Variants in TRIM8 observed in about 807,000 individuals in gnomAD.
TRIM8 encodes E3 ubiquitin-protein ligase TRIM8.
A neutral mutation model predicts 55.7 loss-of-function variants in TRIM8; 9 were observed. The ratio of observed to expected loss-of-function variants is 0.16; its 90% confidence interval spans 0.10 to 0.28. TRIM8 has a LOEUF of 0.28. Ranked by LOEUF, TRIM8 falls within the 10% of genes least tolerant of loss-of-function variation. TRIM8 has a pLI of 1.00. For synonymous variants in TRIM8, 335 were observed against 333.3 expected (o/e 1.01, Z -0.06); for missense variants, 556 against 736.4 (o/e 0.76, Z 2.83).
chr10:102,646,260 A>G (rs1432877581), intron 1 of TRIM8, among the ~76,000 whole-genome samples: 1 of 152,130 alleles, frequency 6.6e-6, no homozygotes, highest in East Asian at 1.9e-4. Context: ...TTGGCCTGAC[A>G]CCGAGGAGTC....
At chr10:102,647,791 AGG>A (rs1202907672) in intron 1 of TRIM8, among the ~76,000 whole-genome samples, 3 of 152,280 alleles carry the variant, frequency 2.0e-5, no homozygotes, top group Non-Finnish European at 4.4e-5. Flanking sequence ...CTGCCCTCCC[AGG>A]GGGATTGCTG....
At chr10:102,651,748 G>C (rs1213440300) in intron 1 of TRIM8, among the ~76,000 whole-genome samples, 1 of 152,216 alleles carries the variant, frequency 6.6e-6, no homozygotes. Flanking sequence ...GAATTTGAGG[G>C]CCAATTGTTC....
At position 102,656,204 on chromosome 10, in the gene TRIM8, C is replaced by CG; in HGVS notation, c.933-62dup. On this transcript the variant is annotated intron_variant, in intron 4 of 5. Transcript: ENST00000643721. The surrounding 1 kb of genome is among the most constrained non-coding windows in gnomAD (Gnocchi z 4.6). Reference sequence around the variant, plus strand: ...GAGGGCAGGGGGGCCAGGCCCATGGCGGGGAGGTAGGGCGGGCTCACCGGT... The same window carrying CG: ...GAGGGCAGGGGGGCCAGGCCCATGGCGGGGGAGGTAGGGCGGGCTCACCGGT... The CG allele has an allele frequency of 1.2e-6, 2 of 1,614,028 alleles. No homozygotes were observed. Among genetic ancestry groups the CG allele is most frequent in the Non-Finnish European group, 1.7e-6 (2 of 1,179,970 alleles).
At position 102,657,168 on chromosome 10, in the gene TRIM8, C is replaced by T. The variant is rs751884305; in HGVS notation, c.1470C>T (p.Ser490=). 29 of 1,613,744 alleles carry T rather than the reference C, an allele frequency of 1.8e-5. No homozygotes were observed. Among genetic ancestry groups the T allele is most frequent in the Non-Finnish European group, 2.3e-5 (27 of 1,179,962 alleles). The change falls in exon 6 of 6, where the codon TCC becomes TCT. Residue 490 remains serine, a synonymous_variant. Coordinates refer to ENST00000643721, the MANE Select transcript of TRIM8 (RefSeq NM_030912.3). ...GCGGCCACCAGCCCTACCCCCGCTC[C>T]GGCCACTTTCCCTGGACAGTGCCCT... ...NHGGHQPYPR[S]GHFPWTVPSQ...
Position 102,655,877 on chromosome 10 carries a change from T to C in TRIM8, c.901-229T>C, listed in dbSNP as rs376355685. On this transcript the variant is annotated intron_variant, in intron 3 of 5. Transcript: ENST00000643721. ...TTCTCCTCGGGTATGGATGAAGTTA[T>C]GGATGCACAGAAAGCACTTACAATG... Among the ~76,000 whole-genome samples, 10 of 152,168 alleles carry C rather than the reference T, an allele frequency of 6.6e-5. No homozygotes were observed. In the East Asian group the frequency reaches 1.7e-3, roughly 26 times the overall value.
At position 102,645,104 on chromosome 10, in the gene TRIM8, G is replaced by T. The variant is rs778589677; in HGVS notation, c.487G>T (p.Val163Leu). The T allele has an allele frequency of 2.5e-6, 4 of 1,595,068 alleles. No individual in the cohort carries two copies. Among genetic ancestry groups the T allele is most frequent in the African/African-American group, 1.3e-5 (1 of 74,872 alleles). ...CCACTGCGAGGCCGAGCAGGTGGCC[G>T]TGTGCCAGTACTGCTGCTACTACAG... ...LYHCEAEQVA[V>L]CQYCCYYSGA... The change falls in exon 1 of 6, where the codon GTG becomes TTG. Residue 163 changes from valine (V) to leucine (L), a missense_variant. Physicochemically the swap from Val to Leu is conservative, Grantham distance 32. Transcript: ENST00000643721.
chr10:102,645,184 C>T lies in TRIM8; in HGVS notation c.567C>T (p.Ile189=), dbSNP rs765586368. Residue 189 remains isoleucine, a synonymous_variant, in exon 1 of 6, where the codon ATC becomes ATT. Transcript: ENST00000643721. ...VCDVEIRRNE[I]RKMLMKQQDR... ...ACGTGGAGATCCGAAGGAATGAAAT[C>T]CGGGCAAGTACCCTACGCGCGCGCG... The T allele has an allele frequency of 3.5e-5, 54 of 1,545,520 alleles. 2 individuals carry two copies. The South Asian group carries it at 6.4e-4, about 18-fold the overall frequency.
intron 1 of TRIM8, among the ~76,000 whole-genome samples, chr10:102,652,549 C>T (rs1230216092): frequency 1.3e-5 from 2 of 152,156 alleles, no homozygotes; most frequent in African/African-American, 4.8e-5. Flanking sequence ...CATCTCAGGC[C>T]GCCCAGGCCT....
rs903164652 is a variant in TRIM8, at chr10:102,655,203, G to A, written c.790G>A (p.Glu264Lys). The A allele has an allele frequency of 1.9e-6, 3 of 1,608,506 alleles. No homozygotes were observed. The highest frequency in any genetic ancestry group is 2.5e-6 in the Non-Finnish European group (3 of 1,178,436). ...LDKAQAKFCS[E>K]NAAQALHLGE... ...CAAGGCCCAGGCCAAGTTCTGCAGC[G>A]AGAACGCAGCGCAGGCGCTGCACCT... The change falls in exon 3 of 6, where the codon GAG (glutamate) becomes AAG (lysine). Residue 264 changes from glutamate to lysine, a missense_variant. Glu to Lys is a moderately conservative substitution (Grantham distance 56). This residue lies in a region of TRIM8 where 391 missense variants were observed against 441.0 expected (regional missense o/e 0.89). Coordinates refer to ENST00000643721, the MANE Select transcript of TRIM8 (RefSeq NM_030912.3).
At chr10:102,655,536 T>C (rs2064017175) in intron 3 of TRIM8, among the ~76,000 whole-genome samples, 1 of 152,218 alleles carries the variant, frequency 6.6e-6, no homozygotes, top group Non-Finnish European at 1.5e-5. Context: ...ATGATACAGG[T>C]CTACTATTCT....
intron 1 of TRIM8, among the ~76,000 whole-genome samples, chr10:102,648,127 T>C (rs1014494143): frequency 3.3e-5 from 5 of 152,162 alleles, no homozygotes; most frequent in African/African-American, 1.2e-4. Flanking sequence ...CCCATGAGGC[T>C]GTGGGGAAGC....
chr10:102,656,946 G>A lies in TRIM8; in HGVS notation c.1248G>A (p.Leu416=), dbSNP rs1464361821. The A allele has an allele frequency of 1.9e-6, 3 of 1,610,888 alleles. No homozygotes were observed. Among genetic ancestry groups the A allele is most frequent in the East Asian group, 2.2e-5 (1 of 44,862 alleles). The change falls in exon 6 of 6, where the codon CTG becomes CTA. Residue 416 remains leucine (L), a synonymous_variant. Coordinates refer to ENST00000643721, the MANE Select transcript of TRIM8 (RefSeq NM_030912.3). The surrounding 1 kb of genome is among the most constrained non-coding windows in gnomAD (Gnocchi z 4.6). ...ASGEGQSGQP[L]GPCSSTQHLV... ...GTGAGGGCCAGTCTGGGCAGCCCCT[G>A]GGGCCCTGCAGCTCCACGCAGCACT... is the stretch of plus-strand genomic sequence containing the variant.
chr10:102,645,698 T>TG (rs71474572), intron 1 of TRIM8: 1 of 143,006 alleles, frequency 7.0e-6, no homozygotes, highest in African/African-American at 2.6e-5. Flanking sequence ...GGGGGGGGAG[T>TG]GGGGGGAGTT....
rs1365098197 is a variant in TRIM8 at position 102,657,358 on chromosome 10, C to G, written c.*4C>G. On this transcript the variant is annotated 3_prime_UTR_variant, in exon 6 of 6. Coordinates refer to ENST00000643721, the MANE Select transcript of TRIM8 (RefSeq NM_030912.3). Reference sequence around the variant, plus strand: ...CAAACACTACGTGACGAGCTAACGCCACGCAGGCGGCGGGGCGCTGGGGAA... The same window carrying G: ...CAAACACTACGTGACGAGCTAACGCGACGCAGGCGGCGGGGCGCTGGGGAA... 4 of 1,552,558 alleles carry G rather than the reference C, an allele frequency of 2.6e-6. No homozygotes were observed. The highest frequency in any genetic ancestry group is 1.4e-5 in the African/African-American group (1 of 73,304).
rs576325959 is a variant in TRIM8, at chr10:102,644,860, G to C, written c.243G>C (p.Leu81=). Residue 81 remains leucine (L), a synonymous_variant, in exon 1 of 6, where the codon CTG becomes CTC. Coordinates refer to ENST00000643721, the MANE Select transcript of TRIM8 (RefSeq NM_030912.3). ...LTNIVEKFNA[L]HVEKPPAALH... is the part of the protein sequence containing the mutation. ...ACATCGTGGAGAAGTTCAATGCCCT[G>C]CACGTGGAGAAGCCGCCGGCGGCGC... 6.2e-7 allele frequency: 1 copy of C among 1,612,322 alleles called. No homozygotes were observed. The highest frequency in any genetic ancestry group is 1.1e-5 in the South Asian group (1 of 91,022).
Position 102,657,041 on chromosome 10 carries a change from A to G in TRIM8, c.1343A>G (p.Asn448Ser), listed in dbSNP as rs753167987. Residue 448 changes from asparagine to serine, a missense_variant, in exon 6 of 6, where the codon AAT (asparagine) becomes AGT (serine). By Grantham distance (46) the Asn-to-Ser change is conservative. Coordinates refer to ENST00000643721, the MANE Select transcript of TRIM8 (RefSeq NM_030912.3). ...SPVFPPSQYPNGSAAQQPMLP... is the reference protein window; with the variant it reads ...SPVFPPSQYPSGSAAQQPMLP... Reference sequence around the variant, plus strand: ...GTGTTCCCCCCATCGCAGTATCCCAATGGCTCCGCCGCCCAGCAGCCCATG... The same window carrying G: ...GTGTTCCCCCCATCGCAGTATCCCAGTGGCTCCGCCGCCCAGCAGCCCATG... 21 of 1,612,930 alleles carry G rather than the reference A, an allele frequency of 1.3e-5. No individual in the cohort carries two copies. In the Admixed American group the frequency reaches 1.5e-4, roughly 12 times the overall value.
intron 1 of TRIM8, among the ~76,000 whole-genome samples, chr10:102,649,443 A>C (rs2063963051): frequency 6.6e-6 from 1 of 152,182 alleles, no homozygotes; most frequent in African/African-American, 2.4e-5. Context: ...TGTTGGGTGC[A>C]GTCTGGCGAG....
At chr10:102,650,475 G>A (rs1303695338) in intron 1 of TRIM8, among the ~76,000 whole-genome samples, 1 of 152,168 alleles carries the variant, frequency 6.6e-6, no homozygotes, top group African/African-American at 2.4e-5. Flanking sequence ...CCGACAGGCA[G>A]GGCTGGGGGT....
intron 1 of TRIM8, chr10:102,645,512 A>AG (rs746485190): frequency 2.9e-5 from 7 of 245,560 alleles, no homozygotes; most frequent in Non-Finnish European, 4.7e-5. Flanking sequence ...TTGTTGCTGT[A>AG]GGCCCTACGG....
Sources: gnomAD v4.1 joint callset for allele counts (sites outside exome capture counted in the v4.1 genomes callset) on GRCh38, gnomAD v4.1.1 for gene constraint, gnomAD v4.1.1 regional missense constraint, Gnocchi (gnomAD v3.1) non-coding constraint, MANE v1.5 for transcripts, NCBI Gene and HGNC (gene_info 2026-07-23, HGNC 2026-07-21) for gene names.